TMC7: variants seen among roughly 807,000 people sequenced by gnomAD.
TMC7 encodes the protein transmembrane channel like 7, also known as transmembrane channel-like protein 7.
Under a neutral mutation model 82.9 loss-of-function variants are expected in TMC7, and 54 were observed. The ratio of observed to expected loss-of-function variants is 0.65; its 90% CI spans 0.52 to 0.82. The LOEUF (loss-of-function observed/expected upper bound fraction) is 0.82, where lower values mean the gene tolerates loss of function less well. Among genes scored for constraint, TMC7 ranks in the 40% least tolerant of loss-of-function variants. TMC7 has a pLI of 0.00. For synonymous variants in TMC7, 350 were observed against 337.9 expected, an observed-to-expected ratio of 1.04 and a Z score of -0.39; for missense variants, 820 against 901.2, an observed-to-expected ratio of 0.91 and a Z score of 1.15.
intron 1 of TMC7, 186 bp downstream of exon 1, chr16:18,984,316 G>A: frequency 7.6e-7 from 1 of 1,309,854 alleles, no homozygotes; most frequent in Non-Finnish European, 9.7e-7. Context: ...CCACAAACGC[G>A]TCCTCATCCA....
At chr16:18,994,121 T>A (rs375622517) in intron 1 of TMC7, among the ~76,000 whole-genome samples, 2 of 152,078 alleles carry the variant, frequency 1.3e-5, no homozygotes, top group Admixed American at 6.6e-5. Context: ...CCAGGAACAA[T>A]GGTAAGTGTG....
At chr16:19,051,247 T>G (rs1961524331) in intron 12 of TMC7, among the ~76,000 whole-genome samples, 1 of 151,754 alleles carries the variant, frequency 6.6e-6, no homozygotes, top group Non-Finnish European at 1.5e-5. Flanking sequence ...TCTTTTTTTT[T>G]TTTTTAATTT....
rs115390755 is a variant in TMC7 at position 19,041,899 on chromosome 16, G to A, written c.1337+1453G>A. ...CCTTTTGTTAGGCCTTTGATTTGTG[G>A]AAGAAACTGGATCATTTTCCTGTAG... On this transcript the variant is annotated intron_variant, in intron 9 of 15. Coordinates refer to ENST00000304381, the MANE Select transcript of TMC7 (RefSeq NM_024847.4). Among the ~76,000 whole-genome samples the A allele has an allele frequency of 4.4e-3, 663 of 152,186 alleles. 2 individuals are homozygous for A. The highest frequency in any genetic ancestry group is 0.015 in the African/African-American group (638 of 41,528).
At chr16:19,056,510 C>T (rs1567531616) in intron 13 of TMC7, 32 bp from the exon 14 acceptor site, 3 of 1,606,148 alleles carry the variant, frequency 1.9e-6, no homozygotes, top group East Asian at 2.2e-5. Context: ...GCTGCACGCT[C>T]CTTCTGAGCC....
chr16:19,049,758 A>G (rs1961441437), intron 12 of TMC7: 1 of 591,352 alleles, frequency 1.7e-6, no homozygotes, highest in African/African-American at 2.0e-5. Context: ...GGCACCAAGT[A>G]TCTTCGGTAC....
chr16:19,006,287 G>A (rs184054596), intron 1 of TMC7, among the ~76,000 whole-genome samples: 6 of 150,194 alleles, frequency 4.0e-5, no homozygotes, highest in Non-Finnish European at 8.8e-5. Flanking sequence ...TGCAACCTCC[G>A]CCTCCTGGGT....
intron 6 of TMC7, among the ~76,000 whole-genome samples, chr16:19,033,160 C>T (rs965200928): frequency 2.0e-5 from 3 of 152,156 alleles, no homozygotes; most frequent in African/African-American, 7.2e-5. Context: ...GCCTCATTTT[C>T]TTCATCTGTG....
chr16:19,013,467 T>C (rs1158770059), intron 2 of TMC7, among the ~76,000 whole-genome samples: 4 of 152,164 alleles, frequency 2.6e-5, no homozygotes, highest in Non-Finnish European at 5.9e-5. Context: ...TCCGCCTGCC[T>C]CGGCCTCCCA....
At chr16:18,990,122 C>T (rs1396631454) in intron 1 of TMC7, among the ~76,000 whole-genome samples, 1 of 151,994 alleles carries the variant, frequency 6.6e-6, no homozygotes, top group Non-Finnish European at 1.5e-5. Flanking sequence ...TGCAAAGAAC[C>T]TTCTTAAGGG....
rs145788880 is a variant in TMC7 at position 19,021,630 on chromosome 16, G to A, written c.462G>A (p.Gly154=). The change falls in exon 4 of 16, where the codon GGG becomes GGA. Residue 154 remains glycine, a splice_region_variant and synonymous_variant. Coordinates refer to ENST00000304381, the MANE Select transcript of TMC7 (RefSeq NM_024847.4). ...LWREDIRSIE[G]KFGTGIQSYF... is the part of the protein sequence containing the mutation. Reference sequence around the variant, plus strand: ...GATGTCCGGGTTTGTTTTTTCCAGGGAAATTTGGCACTGGGATTCAGTCCT... The same window carrying A: ...GATGTCCGGGTTTGTTTTTTCCAGGAAAATTTGGCACTGGGATTCAGTCCT... 10 of 1,613,838 alleles carry A rather than the reference G, an allele frequency of 6.2e-6. No homozygotes were observed. The highest frequency in any genetic ancestry group is 8.5e-6 in the Non-Finnish European group (10 of 1,179,930).
chr16:19,014,804 A>C (rs940997629), intron 2 of TMC7, among the ~76,000 whole-genome samples: 2 of 152,056 alleles, frequency 1.3e-5, no homozygotes, highest in Admixed American at 6.6e-5. Flanking sequence ...TCTCTGTTGC[A>C]ACTACTTAAT....
chr16:18,995,984 C>A (rs1232805538), intron 1 of TMC7, among the ~76,000 whole-genome samples: 2 of 152,056 alleles, frequency 1.3e-5, no homozygotes, highest in African/African-American at 2.4e-5. Context: ...AACCTAAATG[C>A]TAACTGATTT....
chr16:19,059,421 T>A lies in TMC7; in HGVS notation c.2033T>A (p.Ile678Asn). 1 of 1,613,628 alleles carries A rather than the reference T, an allele frequency of 6.2e-7. No individual in the cohort carries two copies. Among genetic ancestry groups the A allele is most frequent in the Non-Finnish European group, 8.5e-7 (1 of 1,179,814 alleles). Reference protein sequence around the residue: ...AVPFFMIICLIMFYFIALAGA... With the variant: ...AVPFFMIICLNMFYFIALAGA... ...CTGTCTGTCTTGTGTTGCAGCCTCA[T>A]CATGTTTTACTTCATTGCCTTAGCT... is the stretch of plus-strand genomic sequence containing the variant. The change falls in exon 15 of 16, where the codon ATC becomes AAC. Residue 678 changes from isoleucine (I) to asparagine (N), a missense_variant. Physicochemically the swap from Ile to Asn is moderately radical, Grantham distance 149. This residue lies in a region of TMC7 where 170 missense variants were observed against 231.3 expected (regional missense o/e 0.74). Transcript: ENST00000304381.
chr16:19,035,148 A>G (rs1490968875), intron 6 of TMC7, among the ~76,000 whole-genome samples: 3 of 152,224 alleles, frequency 2.0e-5, no homozygotes, highest in Non-Finnish European at 4.4e-5. Context: ...GCTAGAGGCC[A>G]TTATCCAAAG....
At chr16:19,045,274 C>G in intron 10 of TMC7, 67 bp from the exon 11 acceptor site, 3 of 1,317,318 alleles carry the variant, frequency 2.3e-6, no homozygotes, top group Non-Finnish European at 3.3e-6. Context: ...TAGAAGGTGT[C>G]TTGGGAGCCT....
intron 1 of TMC7, among the ~76,000 whole-genome samples, chr16:18,990,069 A>G (rs1419856851): frequency 1.3e-5 from 2 of 152,104 alleles, no homozygotes; most frequent in Non-Finnish European, 2.9e-5. Flanking sequence ...TTTTGCAGGC[A>G]GGGGTGGATC....
chr16:19,005,821 G>A (rs148608211), intron 1 of TMC7, among the ~76,000 whole-genome samples: 118 of 152,266 alleles, frequency 7.7e-4, no homozygotes, highest in African/African-American at 2.2e-3. Context: ...GGGAGCCACT[G>A]CCACTAATGG....
intron 9 of TMC7, 84 bp downstream of exon 9, chr16:19,040,530 A>C: frequency 7.8e-7 from 1 of 1,284,466 alleles, no homozygotes; most frequent in Non-Finnish European, 1.1e-6. Flanking sequence ...ATCGCTAATC[A>C]ATTGTAGTGC....
intron 1 of TMC7, among the ~76,000 whole-genome samples, chr16:19,007,861 C>T (rs2039270034): frequency 6.6e-6 from 1 of 151,864 alleles, no homozygotes; most frequent in Non-Finnish European, 1.5e-5. Context: ...CCCTCTCCCT[C>T]ATCTCAGAAT....
Sources: allele counts gnomAD v4.1 joint callset (sites outside exome capture counted in the v4.1 genomes callset), GRCh38; gene constraint gnomAD v4.1.1; regional missense constraint gnomAD v4.1.1; transcripts MANE v1.5; gene names NCBI Gene and HGNC (gene_info 2026-07-23, HGNC 2026-07-21).